The following RAB11FIP4 variants were observed in gnomAD, a reference collection of about 807,000 sequenced individuals.
The protein encoded by RAB11FIP4 is rab11 family-interacting protein 4.
RAB11FIP4 carries 23 observed loss-of-function variants against 74.3 expected under a neutral mutation model. That is an observed-to-expected ratio of 0.31 (90% confidence interval 0.22 to 0.44). RAB11FIP4 has a LOEUF of 0.44. Ranked by LOEUF, RAB11FIP4 falls within the 20% of genes least tolerant of loss-of-function variation. The pLI is 1.00. For synonymous variants in RAB11FIP4, 360 were observed against 359.9 expected (o/e 1.00, Z 0.00); for missense variants, 630 against 863.9 (o/e 0.73, Z 3.39).
chr17:31,535,196 A>G lies in RAB11FIP4; in HGVS notation c.*3464A>G, dbSNP rs901522142. The G allele has an allele frequency of 6.6e-6, 1 of 151,238 alleles. No individual in the cohort carries two copies. Among genetic ancestry groups the G allele is most frequent in the African/African-American group, 2.4e-5 (1 of 41,066 alleles). 9.4% of individuals were successfully genotyped at this position (151,238 alleles called of 1,614,324 possible). A position where few individuals can be genotyped will look rare whatever the true frequency, so the allele number is the denominator to read the frequency against. ...GCACTTGGGAGGCAGTGGCAGGCGG[A>G]TCACTTGAGCTCAGGAGTCCTAAAC... On this transcript the variant is annotated 3_prime_UTR_variant, in exon 15 of 15. Coordinates refer to ENST00000621161, the MANE Select transcript of RAB11FIP4 (RefSeq NM_032932.6).
At chr17:31,409,284 C>G (rs994247920) in intron 1 of RAB11FIP4, among the ~76,000 whole-genome samples, 1 of 152,244 alleles carries the variant, frequency 6.6e-6, no homozygotes, top group Non-Finnish European at 1.5e-5. Context: ...ACCACCCCCT[C>G]TCCGCTCCGT....
At chr17:31,430,541 A>C (rs1342009295) in intron 1 of RAB11FIP4, among the ~76,000 whole-genome samples, 1 of 151,310 alleles carries the variant, frequency 6.6e-6, no homozygotes. Context: ...TTGTATTTTT[A>C]GTAGAGATGG....
chr17:31,521,099 C>T, intron 4 of RAB11FIP4, 67 bp from the exon 5 acceptor site: 1 of 1,284,848 alleles, frequency 7.8e-7, no homozygotes, highest in Non-Finnish European at 1.1e-6. Flanking sequence ...CTGTCAGTTT[C>T]CCCACCACGG....
At position 31,532,157 on chromosome 17, in the gene RAB11FIP4, G is replaced by A; in HGVS notation, c.*425G>A. The A allele has an allele frequency of 6.1e-6, 1 of 162,700 alleles. No individual in the cohort carries two copies. Among genetic ancestry groups the A allele is most frequent in the Non-Finnish European group, 1.4e-5 (1 of 73,518 alleles). The allele number at this position is 162,700 out of a possible 1,614,324, so 10.1% of individuals were successfully genotyped here. On this transcript the variant is annotated 3_prime_UTR_variant, in exon 15 of 15. Transcript: ENST00000621161. Reference sequence around the variant, plus strand: ...ACTCCTAGTCCCCTTGGGAGTGGGAGCAAAATTGTGATCTTTCCTAGGAGT... The same window carrying A: ...ACTCCTAGTCCCCTTGGGAGTGGGAACAAAATTGTGATCTTTCCTAGGAGT...
intron 1 of RAB11FIP4, among the ~76,000 whole-genome samples, chr17:31,406,714 A>C (rs1318016859): frequency 6.6e-6 from 1 of 152,114 alleles, no homozygotes; most frequent in African/African-American, 2.4e-5. Context: ...AGCATTTATC[A>C]AGGGGAATTT....
intron 1 of RAB11FIP4, among the ~76,000 whole-genome samples, chr17:31,426,599 CTTTT>C (rs59839758): frequency 1.6e-5 from 2 of 122,058 alleles, no homozygotes; most frequent in African/African-American, 6.4e-5. Flanking sequence ...TTTTCTTTTC[CTTTT>C]TTTTTTTTTT....
intron 3 of RAB11FIP4, among the ~76,000 whole-genome samples, chr17:31,471,847 G>A (rs1054633077): frequency 2.6e-5 from 4 of 152,156 alleles, no homozygotes; most frequent in South Asian, 2.1e-4. Context: ...GTGGGGAGGC[G>A]CCCTGGCTGA....
rs59919036 is a variant in RAB11FIP4 at position 31,407,040 on chromosome 17, ATTTTTT to A, written c.159+15053_159+15058del. 0.017 allele frequency among the ~76,000 whole-genome samples: 878 copies of A among 51,214 alleles called. 34 individuals are homozygous for A. In the East Asian group the frequency reaches 0.28, roughly 16 times the overall value. The allele number at this position is 51,214 out of a possible 152,430, so 33.6% of individuals were successfully genotyped here. On this transcript the variant is annotated intron_variant, in intron 1 of 14. Transcript: ENST00000621161. Reference sequence around the variant, plus strand: ...CACATTTGTTTTTTTGTTTCACTTGATTTTTTTTTTTTTTTTTTTTTTTTTTTTTGA... The same window carrying A: ...CACATTTGTTTTTTTGTTTCACTTGATTTTTTTTTTTTTTTTTTTTTTTGA...
chr17:31,469,560 G>A (rs1350801681), intron 3 of RAB11FIP4, among the ~76,000 whole-genome samples: 1 of 146,862 alleles, frequency 6.8e-6, no homozygotes, highest in Non-Finnish European at 1.5e-5. Flanking sequence ...TGAGGAGGTT[G>A]AAGCTGCAGT....
At chr17:31,410,149 C>T (rs1404018912) in intron 1 of RAB11FIP4, among the ~76,000 whole-genome samples, 1 of 152,094 alleles carries the variant, frequency 6.6e-6, no homozygotes, top group Admixed American at 6.5e-5. Context: ...GCATCCTAAG[C>T]CCTTTACCGA....
Position 31,445,752 on chromosome 17 carries a change from AT to A in RAB11FIP4, c.336+11640del, listed in dbSNP as rs554002148. Among the ~76,000 whole-genome samples, 176 of 145,522 alleles carry A rather than the reference AT, an allele frequency of 1.2e-3. 1 individual carries two copies. The highest frequency in any genetic ancestry group is 3.8e-3 in the African/African-American group (153 of 39,840). ...AGGTGCATGCCACCACTCCCGGCTA[AT>A]TTTTTTTTTGTATTTTTAGTAGAGA... On this transcript the variant is annotated intron_variant, in intron 3 of 14. Coordinates refer to ENST00000621161, the MANE Select transcript of RAB11FIP4 (RefSeq NM_032932.6).
chr17:31,530,231 G>A (rs928667067), intron 13 of RAB11FIP4, 95 bp from the exon 14 acceptor site: 20 of 1,489,742 alleles, frequency 1.3e-5, no homozygotes, highest in Non-Finnish European at 1.8e-5. Context: ...AATGGCGCTG[G>A]CGGCAGGTCG....
At chr17:31,419,679 T>C (rs1187485059) in intron 1 of RAB11FIP4, among the ~76,000 whole-genome samples, 1 of 151,462 alleles carries the variant, frequency 6.6e-6, no homozygotes, top group African/African-American at 2.4e-5. Flanking sequence ...GCCTCCCGAG[T>C]AGCTGGGACT....
Position 31,474,946 on chromosome 17 carries a change from C to T in RAB11FIP4, c.336+40824C>T, listed in dbSNP as rs189850732. ...GGATTGTTAAGGTAAGATGAGGACC[C>T]GTGACACTCTAGTTAGTTCATTTCA... On this transcript the variant is annotated intron_variant, in intron 3 of 14. Transcript: ENST00000621161. 2.5e-3 allele frequency among the ~76,000 whole-genome samples: 378 copies of T among 152,172 alleles called. 1 individual carries two copies. The highest frequency in any genetic ancestry group is 2.9e-3 in the Non-Finnish European group (195 of 68,014).
intron 3 of RAB11FIP4, among the ~76,000 whole-genome samples, chr17:31,486,888 CG>C (rs1567672004): frequency 6.6e-6 from 1 of 152,142 alleles, no homozygotes; most frequent in African/African-American, 2.4e-5. Context: ...GGGGCCGCTG[CG>C]AATTTACTGG....
chr17:31,531,903 G>C lies in RAB11FIP4; in HGVS notation c.*171G>C. The C allele has an allele frequency of 3.4e-6, 2 of 596,694 alleles. No homozygotes were observed. The highest frequency in any genetic ancestry group is 4.0e-5 in the South Asian group (2 of 50,438). 37.0% of individuals were successfully genotyped at this position (596,694 alleles called of 1,614,324 possible). Reference sequence around the variant, plus strand: ...GGGAGGCTGTGCACACGAGCGAGGGGTGAGTGGCCGTGGCTGTGGGCAGCA... The same window carrying C: ...GGGAGGCTGTGCACACGAGCGAGGGCTGAGTGGCCGTGGCTGTGGGCAGCA... On this transcript the variant is annotated 3_prime_UTR_variant, in exon 15 of 15. Transcript: ENST00000621161.
chr17:31,521,417 C>A, intron 5 of RAB11FIP4, 57 bp downstream of exon 5: 1 of 1,497,376 alleles, frequency 6.7e-7, no homozygotes, highest in South Asian at 1.3e-5. Flanking sequence ...GCAATTTAAG[C>A]ACATCCTAGG....
At chr17:31,486,292 G>A (rs2071900924) in intron 3 of RAB11FIP4, among the ~76,000 whole-genome samples, 1 of 152,106 alleles carries the variant, frequency 6.6e-6, no homozygotes, top group East Asian at 1.9e-4. Context: ...CCAGGCTGGA[G>A]TGCAGTGGTG....
At chr17:31,446,331 C>T (rs1339273235) in intron 3 of RAB11FIP4, among the ~76,000 whole-genome samples, 1 of 152,124 alleles carries the variant, frequency 6.6e-6, no homozygotes, top group East Asian at 1.9e-4. Context: ...GCTTCTGTCC[C>T]TTCTGGCATT....
Sources: gnomAD v4.1 joint callset for allele counts (sites outside exome capture counted in the v4.1 genomes callset) on GRCh38, gnomAD v4.1.1 for gene constraint, MANE v1.5 for transcripts, NCBI Gene and HGNC (gene_info 2026-07-23, HGNC 2026-07-21) for gene names.